SI: variants seen among roughly 807,000 people sequenced by gnomAD.
SI encodes sucrase-isomaltase.
A neutral mutation model predicts 253.3 loss-of-function variants in SI; 235 were observed. That is an observed-to-expected ratio of 0.93 (90% confidence interval 0.83 to 1.03). SI has a LOEUF of 1.03. SI is among the 50% of genes least tolerant of loss of function. SI has a pLI of 0.00. For missense variants in SI, 2,442 were observed against 2,211.1 expected (o/e 1.10, Z -2.09); for synonymous variants, 819 against 712.0 (o/e 1.15, Z -2.39).
rs1364294009 is a variant in SI, at chr3:165,019,870, T to C, written c.3255-100A>G. On this transcript the variant is annotated intron_variant, in intron 27 of 47. Transcript: ENST00000264382. ...CTTTCTTAGATTATCTAAAAATCAA[T>C]ATTATTTTCCATATTCCTAATTATA... is the stretch of plus-strand genomic sequence containing the variant. 10 of 1,094,748 alleles carry C rather than the reference T, an allele frequency of 9.1e-6. 1 individual carries two copies. The African/African-American group carries it at 1.6e-4, about 17-fold the overall frequency. 67.8% of individuals were successfully genotyped at this position (1,094,748 alleles called of 1,614,324 possible). A position where few individuals can be genotyped will look rare whatever the true frequency, so the allele number is the denominator to read the frequency against.
At position 165,017,644 on chromosome 3, in the gene SI, A is replaced by G. The variant is rs767992819; in HGVS notation, c.3663T>C (p.Tyr1221=). The part of the protein sequence containing the change: ...EVIGHPVMPA[Y]WALGFQLCRY... ...GACATAATTGGAATCCCAAAGCCCA[A>G]TAAGCTGGCATGACTGGATGGCCAA... Residue 1221 remains tyrosine, a synonymous_variant, in exon 31 of 48, where the codon TAT becomes TAC. Coordinates refer to ENST00000264382, the MANE Select transcript of SI (RefSeq NM_001041.4). The G allele has an allele frequency of 4.0e-5, 65 of 1,612,746 alleles. No homozygotes were observed. The highest frequency in any genetic ancestry group is 5.1e-5 in the Non-Finnish European group (60 of 1,179,154).
chr3:165,024,683 TA>T (rs1439406303), intron 25 of SI, among the ~76,000 whole-genome samples: 1 of 151,340 alleles, frequency 6.6e-6, no homozygotes, highest in African/African-American at 2.4e-5. Context: ...GCATCAATAA[TA>T]TTTCATTCAT....
chr3:165,038,243 A>G (rs1311028598), intron 20 of SI, among the ~76,000 whole-genome samples: 2 of 152,016 alleles, frequency 1.3e-5, no homozygotes, highest in East Asian at 1.9e-4. Flanking sequence ...ATCAACAAAA[A>G]GAGACTCATT....
intron 15 of SI, among the ~76,000 whole-genome samples, chr3:165,047,894 A>C (rs1698017620): frequency 6.6e-6 from 1 of 151,880 alleles, no homozygotes; most frequent in Non-Finnish European, 1.5e-5. Context: ...TACAAGCATC[A>C]CTCACGTTAC....
chr3:164,986,235 C>G (rs1717427092), intron 45 of SI, among the ~76,000 whole-genome samples: 1 of 152,150 alleles, frequency 6.6e-6, no homozygotes. Flanking sequence ...GCCCTCCTGT[C>G]TCTTGCTCCT....
chr3:165,035,298 G>T (rs570852789), intron 22 of SI, among the ~76,000 whole-genome samples: 7 of 151,918 alleles, frequency 4.6e-5, no homozygotes, highest in African/African-American at 9.7e-5. Context: ...AAAAGACAGA[G>T]AATATTTATA....
chr3:165,078,052 T>G (rs1009668671), intron 1 of SI, among the ~76,000 whole-genome samples: 1 of 151,526 alleles, frequency 6.6e-6, no homozygotes, highest in African/African-American at 2.4e-5. Context: ...GTTTTATAAA[T>G]GTAGCATTCT....
upstream of SI, among the ~76,000 whole-genome samples, chr3:165,083,428 T>A (rs1395902480): frequency 6.6e-6 from 1 of 151,992 alleles, no homozygotes; most frequent in Admixed American, 6.6e-5. Flanking sequence ...GACTATGTAT[T>A]TCCTTGGAGA....
intron 25 of SI, among the ~76,000 whole-genome samples, chr3:165,024,684 A>G (rs1278517250): frequency 2.0e-5 from 3 of 151,170 alleles, no homozygotes; most frequent in Non-Finnish European, 4.4e-5. Flanking sequence ...CATCAATAAT[A>G]TTTCATTCAT....
intron 5 of SI, 98 bp downstream of exon 5, chr3:165,068,624 C>T (rs1714380764): frequency 2.4e-6 from 2 of 836,754 alleles, no homozygotes; most frequent in South Asian, 1.3e-5. Context: ...CCGCCCACGT[C>T]AGCTTCCCAA....
chr3:164,980,140 T>G (rs1717111852), intron 47 of SI, among the ~76,000 whole-genome samples: 1 of 151,856 alleles, frequency 6.6e-6, no homozygotes, highest in Non-Finnish European at 1.5e-5. Flanking sequence ...GGGAGGTGAA[T>G]CCTTTACTAC....
In SI at chr3:165,065,351, A is replaced by G. The variant is rs753398539; in HGVS notation, c.717T>C (p.Tyr239=). 4 of 1,595,798 alleles carry G rather than the reference A, an allele frequency of 2.5e-6. No individual in the cohort carries two copies. Among genetic ancestry groups the G allele is most frequent in the Admixed American group, 3.4e-5 (2 of 59,602 alleles). ...ISTRLPSDYI[Y]GIGEQVHKRF... ...TCTTATGAACTTGTTCTCCAATACCATAAATATAATCACTTGGAAGACGGG... is the reference window on the plus strand; with the variant it reads ...TCTTATGAACTTGTTCTCCAATACCGTAAATATAATCACTTGGAAGACGGG... Residue 239 remains tyrosine (Y), a synonymous_variant, in exon 7 of 48, where the codon TAT becomes TAC. Transcript: ENST00000264382.
Position 165,063,424 on chromosome 3 carries a change from C to A in SI, c.907+18G>T. ...CAAGTGAAATCTATAAATATATTAT[C>A]AAATGAATTATTCTTACCCATTGCA... On this transcript the variant is annotated intron_variant, in intron 8 of 47. Coordinates refer to ENST00000264382, the MANE Select transcript of SI (RefSeq NM_001041.4). 9.2e-7 allele frequency: 1 copy of A among 1,089,798 alleles called. No individual in the cohort carries two copies. The highest frequency in any genetic ancestry group is 1.3e-5 in the South Asian group (1 of 77,042). The allele number at this position is 1,089,798 out of a possible 1,614,324, so 67.5% of individuals were successfully genotyped here. A position where few individuals can be genotyped will look rare whatever the true frequency, so the allele number is the denominator to read the frequency against.
intron 4 of SI, 63 bp from the exon 5 acceptor site, chr3:165,068,894 A>G: frequency 8.8e-7 from 1 of 1,141,476 alleles, no homozygotes; most frequent in Non-Finnish European, 1.3e-6. Context: ...ATTATTAAAT[A>G]TATTTATGTT....
intron 34 of SI, 28 bp from the exon 35 acceptor site, chr3:165,009,423 G>T: frequency 8.0e-7 from 1 of 1,245,442 alleles, no homozygotes; most frequent in Non-Finnish European, 1.2e-6. Context: ...AGGCTCACAT[G>T]TGGAAAGTCT....
chr3:165,018,042 G>A lies in SI; in HGVS notation c.3448C>T (p.His1150Tyr). 1 of 1,607,442 alleles carries A rather than the reference G, an allele frequency of 6.2e-7. No individual in the cohort carries two copies. Among genetic ancestry groups the A allele is most frequent in the South Asian group, 1.1e-5 (1 of 90,970 alleles). ...TCTTCCAGAGCCATGTAATAGGGAT[G>A]AAATCCATAGGAATTAAGTTTGTAC... Reference protein sequence around the residue: ...PGYKLNSYGFHPYYMALEEEG... With the variant: ...PGYKLNSYGFYPYYMALEEEG... The change falls in exon 29 of 48, where the codon CAT (histidine) becomes TAT (tyrosine). Residue 1150 changes from histidine (H) to tyrosine (Y), a missense_variant. Transcript: ENST00000264382.
chr3:165,017,409 C>A (rs1719089939), intron 31 of SI, 139 bp downstream of exon 31: 1 of 714,688 alleles, frequency 1.4e-6, no homozygotes, highest in East Asian at 2.9e-5. Flanking sequence ...TTATAAATCT[C>A]ATATCCAATA....
At chr3:165,035,905 A>G (rs972127552) in intron 22 of SI, among the ~76,000 whole-genome samples, 2 of 151,770 alleles carry the variant, frequency 1.3e-5, no homozygotes, top group African/African-American at 4.8e-5. Context: ...TTTGGAGCTC[A>G]AGAAATTCAA....
intron 47 of SI, among the ~76,000 whole-genome samples, chr3:164,981,799 A>G (rs2108107431): frequency 6.6e-6 from 1 of 152,328 alleles, no homozygotes; most frequent in Admixed American, 6.5e-5. Context: ...CTTTAACGCA[A>G]GAATCCTGAT....
Sources: allele counts gnomAD v4.1 joint callset (sites outside exome capture counted in the v4.1 genomes callset), GRCh38; gene constraint gnomAD v4.1.1; transcripts MANE v1.5; gene names NCBI Gene and HGNC (gene_info 2026-07-23, HGNC 2026-07-21).